LRTM3: variants seen among roughly 807,000 people sequenced by gnomAD.
LRTM3 encodes the protein leucine-rich repeat transmembrane protein 3.
chr13:102,732,223 G>A, the LRTM3 span: 2 of 1,551,370 alleles, frequency 1.3e-6, no homozygotes, highest in Non-Finnish European at 1.7e-6. Context: ...TTGTCTTAGG[G>A]TCAGTGTGAG....
At chr13:102,755,492 C>G in the LRTM3 span, among the ~76,000 whole-genome samples, 8 of 152,032 alleles carry the variant, frequency 5.3e-5, no homozygotes, top group Admixed American at 2.6e-4. Flanking sequence ...AGATCATGGC[C>G]TTTGCAGGGA....
At chr13:102,749,525 T>G in the LRTM3 span, 1 of 1,551,438 alleles carries the variant, frequency 6.4e-7, no homozygotes, top group Non-Finnish European at 8.7e-7. Flanking sequence ...CTCACCTAAG[T>G]GTTCATCAGA....
chr13:102,745,983 A>G, the LRTM3 span: 5 of 1,551,222 alleles, frequency 3.2e-6, no homozygotes, highest in East Asian at 1.2e-4. Context: ...TTGAGTATTA[A>G]GCCATCGCTG....
At chr13:102,735,379 C>T in the LRTM3 span, 5 of 1,551,216 alleles carry the variant, frequency 3.2e-6, no homozygotes, top group African/African-American at 6.8e-5. Context: ...ATTCCTTGGA[C>T]CGTGACTGTG....
chr13:102,743,518 T>G, the LRTM3 span: 2 of 1,548,650 alleles, frequency 1.3e-6, no homozygotes, highest in African/African-American at 2.7e-5. Context: ...CCTTCATAGT[T>G]AAACATTTGG....
At chr13:102,743,122 T>C in the LRTM3 span, 10 of 1,550,576 alleles carry the variant, frequency 6.4e-6, no homozygotes, top group South Asian at 1.2e-4. Flanking sequence ...CTGCATAGAA[T>C]GGATCCATTT....
At chr13:102,752,208 A>T in the LRTM3 span, among the ~76,000 whole-genome samples, 1 of 152,154 alleles carries the variant, frequency 6.6e-6, no homozygotes, top group East Asian at 1.9e-4. Flanking sequence ...CCACCCTCGG[A>T]TCATGCTAAA....
At chr13:102,740,852 G>A in the LRTM3 span, 7 of 1,549,738 alleles carry the variant, frequency 4.5e-6, no homozygotes, top group Non-Finnish European at 6.1e-6. Flanking sequence ...TACCTTTGGT[G>A]ACTTAATCTG....
At chr13:102,729,953 G>A in the LRTM3 span, 2 of 1,551,784 alleles carry the variant, frequency 1.3e-6, no homozygotes. Flanking sequence ...TAAGGGAGCT[G>A]AAGAGTAACT....
At chr13:102,733,899 C>T in the LRTM3 span, 1 of 1,551,248 alleles carries the variant, frequency 6.4e-7, no homozygotes, top group Non-Finnish European at 8.7e-7. Context: ...TCAACTGAGT[C>T]TCTATTTGTT....
the LRTM3 span, chr13:102,730,387 A>G: frequency 2.6e-6 from 4 of 1,550,990 alleles, no homozygotes; most frequent in Middle Eastern, 1.7e-4. Context: ...CTGTCTGAAT[A>G]TCAACAAAAT....
At chr13:102,741,769 G>C in the LRTM3 span, 1 of 1,550,316 alleles carries the variant, frequency 6.5e-7, no homozygotes. Context: ...CTGAATGTTT[G>C]GCAATGCCCA....
At chr13:102,741,911 A>G in the LRTM3 span, 3 of 1,550,438 alleles carry the variant, frequency 1.9e-6, no homozygotes, top group Non-Finnish European at 1.7e-6. Flanking sequence ...GTATTGGGAT[A>G]TGTCTTCTGA....
the LRTM3 span, chr13:102,747,842 G>T: frequency 5.8e-6 from 9 of 1,551,206 alleles, no homozygotes; most frequent in Non-Finnish European, 7.8e-6. Context: ...CTCTTTATTT[G>T]GGGCTTTACT....
At chr13:102,742,749 T>C in the LRTM3 span, 172 of 1,550,682 alleles carry the variant, frequency 1.1e-4, no homozygotes, top group Non-Finnish European at 1.4e-4. Context: ...AGTCTGCCAT[T>C]CTGTCTTTTC....
chr13:102,738,623 ATAT>A, the LRTM3 span: 1 of 1,550,038 alleles, frequency 6.5e-7, no homozygotes, highest in Admixed American at 2.0e-5. Flanking sequence ...ACTGTTTGAG[ATAT>A]TATCAGAAAT....
the LRTM3 span, chr13:102,743,981 C>T: frequency 3.2e-5 from 49 of 1,550,066 alleles, no homozygotes; most frequent in South Asian, 5.9e-5. Context: ...ATTTTGTCGG[C>T]GTGTTCTGTT....
chr13:102,749,387 A>G, the LRTM3 span: 3 of 1,551,388 alleles, frequency 1.9e-6, no homozygotes, highest in Non-Finnish European at 2.6e-6. Flanking sequence ...TAGTTGTGGC[A>G]TATCTTCAGT....
At chr13:102,733,100 G>C in the LRTM3 span, 1 of 1,551,410 alleles carries the variant, frequency 6.4e-7, no homozygotes, top group East Asian at 2.4e-5. Context: ...ATCTGTTTCC[G>C]ATGGTGTCTT....
Sources: allele counts gnomAD v4.1 joint callset (sites outside exome capture counted in the v4.1 genomes callset), GRCh38; gene constraint gnomAD v4.1.1; transcripts MANE v1.5; gene names NCBI Gene and HGNC (gene_info 2026-07-23, HGNC 2026-07-21).